The following PARD3 variants were observed in gnomAD, a reference collection of about 807,000 sequenced individuals.
PARD3 encodes the protein partitioning defective 3 homolog.
Under a neutral mutation model 155.4 loss-of-function variants are expected in PARD3, and 75 were observed. The ratio of observed to expected loss-of-function variants is 0.48; its 90% CI spans 0.40 to 0.58. The LOEUF (loss-of-function observed/expected upper bound fraction) is 0.58. Among genes scored for constraint, PARD3 ranks in the 20% least tolerant of loss-of-function variants. The pLI is 0.00. For synonymous variants in PARD3, 576 were observed against 610.5 expected, an observed-to-expected ratio of 0.94 and a Z score of 0.83; for missense variants, 1,642 against 1,721.7, an observed-to-expected ratio of 0.95 and a Z score of 0.82.
intron 22 of PARD3, among the ~76,000 whole-genome samples, chr10:34,198,838 G>A (rs934617150): frequency 1.3e-5 from 2 of 152,136 alleles, no homozygotes; most frequent in African/African-American, 4.8e-5. Context: ...ATTTGGGACT[G>A]TGTCACGATG....
At chr10:34,374,321 A>AT (rs1282802895) in intron 11 of PARD3, among the ~76,000 whole-genome samples, 4 of 152,150 alleles carry the variant, frequency 2.6e-5, no homozygotes, top group Non-Finnish European at 4.4e-5. Context: ...TCCTTCATTT[A>AT]TGTCATCCTA....
chr10:34,603,625 C>A (rs941273442), intron 2 of PARD3, among the ~76,000 whole-genome samples: 41 of 152,278 alleles, frequency 2.7e-4, no homozygotes, highest in Non-Finnish European at 5.1e-4. Flanking sequence ...CGACTCATTT[C>A]TTTGCCATGA....
intron 4 of PARD3, among the ~76,000 whole-genome samples, chr10:34,462,809 G>A (rs1048888435): frequency 6.6e-6 from 1 of 151,086 alleles, no homozygotes; most frequent in Non-Finnish European, 1.5e-5. Flanking sequence ...TCCAGCCTGG[G>A]CAATAAAGCA....
In PARD3 at chr10:34,359,304, C is replaced by G; in HGVS notation, c.1910G>C (p.Arg637Pro). The part of the protein sequence containing the change: ...GGAASKDGRL[R>P]VNDQLIAVNG... ...TACTGCTATCAGTTGATCATTCACCCGAAGCCTTCCATCCTGGGAAGAAAA... is the reference window on the plus strand; with the variant it reads ...TACTGCTATCAGTTGATCATTCACCGGAAGCCTTCCATCCTGGGAAGAAAA... Residue 637 changes from arginine (R) to proline (P), a missense_variant, in exon 14 of 25, where the codon CGG (arginine) becomes CCG (proline). Physicochemically the swap from Arg to Pro is moderately radical, Grantham distance 103. This residue lies in a region of PARD3 where 1,529 missense variants were observed against 1,587.3 expected (regional missense o/e 0.96). Coordinates refer to ENST00000374788, the MANE Select transcript of PARD3 (RefSeq NM_001184785.2). 3 of 1,613,164 alleles carry G rather than the reference C, an allele frequency of 1.9e-6. No homozygotes were observed. The highest frequency in any genetic ancestry group is 2.5e-6 in the Non-Finnish European group (3 of 1,179,562).
intron 1 of PARD3, among the ~76,000 whole-genome samples, chr10:34,739,028 T>C (rs1052100913): frequency 2.0e-5 from 3 of 152,164 alleles, no homozygotes; most frequent in African/African-American, 4.8e-5. Context: ...TAGCAGAAAG[T>C]AACTCACTTT....
At chr10:34,456,276 A>G (rs1278714954) in intron 4 of PARD3, among the ~76,000 whole-genome samples, 1 of 152,162 alleles carries the variant, frequency 6.6e-6, no homozygotes, top group Non-Finnish European at 1.5e-5. Flanking sequence ...TTACTTAAGT[A>G]ATATTTCATT....
Position 34,321,970 on chromosome 10 carries a change from C to A in PARD3, c.2834-4632G>T, listed in dbSNP as rs187694497. Among the ~76,000 whole-genome samples the A allele has an allele frequency of 6.3e-3, 952 of 152,228 alleles. 2 individuals carry two copies. The highest frequency in any genetic ancestry group is 0.011 in the Non-Finnish European group (720 of 68,008). On this transcript the variant is annotated intron_variant, in intron 19 of 24. Transcript: ENST00000374788. ...GTCATTAGAGTCTATTTCCCCCCCC[C>A]ATTGAGAAGTGATGCTACTGTTGAT...
chr10:34,191,275 T>C (rs1029648351), intron 22 of PARD3, among the ~76,000 whole-genome samples: 4 of 151,904 alleles, frequency 2.6e-5, no homozygotes, highest in African/African-American at 7.3e-5. Context: ...TAAGCCACTA[T>C]AGAGGAAAGT....
chr10:34,688,898 A>G (rs887060367), intron 2 of PARD3, among the ~76,000 whole-genome samples: 33 of 152,350 alleles, frequency 2.2e-4, no homozygotes, highest in Admixed American at 3.9e-4. Context: ...ACGACCAAGT[A>G]TAAAATTTGC....
At chr10:34,507,621 AC>A (rs1662923209) in intron 3 of PARD3, among the ~76,000 whole-genome samples, 1 of 152,084 alleles carries the variant, frequency 6.6e-6, no homozygotes, top group African/African-American at 2.4e-5. Context: ...AATGTCTGAA[AC>A]CCCATAAAAC....
chr10:34,519,588 C>A, intron 2 of PARD3, among the ~76,000 whole-genome samples: 1 of 152,054 alleles, frequency 6.6e-6, no homozygotes, highest in Admixed American at 6.5e-5. Context: ...CCTAGGCGGG[C>A]GGATCATTTG....
chr10:34,696,269 C>A (rs77665335), intron 2 of PARD3, 49 bp downstream of exon 2: 4 of 947,388 alleles, frequency 4.2e-6, no homozygotes, highest in East Asian at 2.6e-5. Flanking sequence ...CCCTAGTCCT[C>A]AAAAAAAAAA....
chr10:34,472,594 T>G (rs764820707), intron 3 of PARD3, among the ~76,000 whole-genome samples: 7 of 152,294 alleles, frequency 4.6e-5, no homozygotes, highest in Non-Finnish European at 1.0e-4. Context: ...GGTTAGTTAT[T>G]CAGTTGTTAG....
At chr10:34,240,272 C>T (rs1352934122) in intron 22 of PARD3, among the ~76,000 whole-genome samples, 2 of 152,164 alleles carry the variant, frequency 1.3e-5, no homozygotes, top group Non-Finnish European at 2.9e-5. Flanking sequence ...GGGCACATTA[C>T]TAAAGAGTTA....
rs1447796931 is a variant in PARD3, at chr10:34,336,735, C to T, written c.2561-492G>A. Among the ~76,000 whole-genome samples the T allele has an allele frequency of 1.3e-5, 2 of 152,008 alleles. 1 individual carries two copies. Among genetic ancestry groups the T allele is most frequent in the Non-Finnish European group, 2.9e-5 (2 of 67,964 alleles). On this transcript the variant is annotated intron_variant, in intron 17 of 24. Transcript: ENST00000374788. ...TCCTCCTCTCATTTGCTCCTAAATA[C>T]TTTCTATAATAAATACTCTCAAATT...
At chr10:34,433,208 T>C (rs546414443) in intron 5 of PARD3, among the ~76,000 whole-genome samples, 1 of 152,318 alleles carries the variant, frequency 6.6e-6, no homozygotes, top group East Asian at 1.9e-4. Flanking sequence ...TAATAATGTG[T>C]AATCTAACAT....
chr10:34,125,607 TG>T (rs1315978137), intron 23 of PARD3, among the ~76,000 whole-genome samples: 2 of 152,242 alleles, frequency 1.3e-5, no homozygotes, highest in Non-Finnish European at 2.9e-5. Flanking sequence ...GTGCTATGAC[TG>T]CCTTGCCAAT....
chr10:34,580,831 A>G (rs1311873289), intron 2 of PARD3, among the ~76,000 whole-genome samples: 2 of 152,242 alleles, frequency 1.3e-5, no homozygotes, highest in Non-Finnish European at 2.9e-5. Flanking sequence ...CCAAAACTTC[A>G]GAACAATGAC....
At chr10:34,482,032 C>CTTTTTTTTTTTTTTTTTT (rs58877037) in intron 3 of PARD3, among the ~76,000 whole-genome samples, 2 of 101,578 alleles carry the variant, frequency 2.0e-5, no homozygotes, top group African/African-American at 4.9e-5. Flanking sequence ...TAATTTTTAT[C>CTTTTTTTTTTTTTTTTTT]TTTTTTTTTT....
Sources: gnomAD v4.1 joint callset for allele counts (sites outside exome capture counted in the v4.1 genomes callset) on GRCh38, gnomAD v4.1.1 for gene constraint, gnomAD v4.1.1 regional missense constraint, MANE v1.5 for transcripts, NCBI Gene and HGNC (gene_info 2026-07-23, HGNC 2026-07-21) for gene names.